GABRB1: variants seen among roughly 807,000 people sequenced by gnomAD.
The protein encoded by GABRB1 is gamma-aminobutyric acid receptor subunit beta-1.
In GABRB1, 17 loss-of-function variants were observed where a neutral mutation model predicts 51.6. The observed-to-expected ratio is 0.33, with a 90% confidence interval of 0.23 to 0.49. GABRB1 has a LOEUF of 0.49. Among genes scored for constraint, GABRB1 ranks in the 20% least tolerant of loss-of-function variants. The pLI is 0.99. For missense variants in GABRB1, 410 were observed against 600.6 expected, an observed-to-expected ratio of 0.68 and a Z score of 3.32; for synonymous variants, 247 against 218.9, an observed-to-expected ratio of 1.13 and a Z score of -1.14.
chr4:47,071,661 TC>T (rs1333129186), intron 3 of GABRB1, among the ~76,000 whole-genome samples: 4 of 151,010 alleles, frequency 2.6e-5, no homozygotes, highest in African/African-American at 9.7e-5. Flanking sequence ...TTTTTTTTTT[TC>T]CGTCTCTCCT....
intron 3 of GABRB1, among the ~76,000 whole-genome samples, chr4:47,159,568 A>G (rs1000951880): frequency 1.3e-5 from 2 of 151,894 alleles, no homozygotes; most frequent in Non-Finnish European, 2.9e-5. Context: ...TAGAAAGGAT[A>G]TTGTGTGACT....
intron 4 of GABRB1, among the ~76,000 whole-genome samples, chr4:47,170,271 G>A (rs913726162): frequency 5.4e-5 from 2 of 36,898 alleles, no homozygotes; most frequent in Non-Finnish European, 1.1e-4. Flanking sequence ...GAATGTAAAA[G>A]AAAGACGAGT....
intron 1 of GABRB1, among the ~76,000 whole-genome samples, chr4:47,019,576 T>TCTCTCTCTCTCTCC (rs1186431950): frequency 2.7e-5 from 4 of 147,464 alleles, no homozygotes; most frequent in African/African-American, 1.0e-4. Context: ...TCTCTCTCTC[T>TCTCTCTCTCTCTCC]CCCTCCTTCC....
chr4:47,200,171 C>T (rs530099558), intron 4 of GABRB1, among the ~76,000 whole-genome samples: 6 of 152,106 alleles, frequency 3.9e-5, no homozygotes, highest in Non-Finnish European at 7.4e-5. Flanking sequence ...TAGGACCAAT[C>T]GATTGTTGGT....
intron 8 of GABRB1, among the ~76,000 whole-genome samples, chr4:47,413,639 T>C (rs1728828096): frequency 6.6e-6 from 1 of 152,232 alleles, no homozygotes; most frequent in East Asian, 1.9e-4. Context: ...CAATTTTCAT[T>C]TGAGGGATTT....
At chr4:47,126,323 G>T (rs1046103641) in intron 3 of GABRB1, among the ~76,000 whole-genome samples, 28 of 152,210 alleles carry the variant, frequency 1.8e-4, no homozygotes, top group African/African-American at 6.5e-4. Flanking sequence ...AAAGATAAAT[G>T]CGTTCTAAAG....
At chr4:47,356,060 T>A (rs929343089) in intron 5 of GABRB1, among the ~76,000 whole-genome samples, 69 of 152,216 alleles carry the variant, frequency 4.5e-4, no homozygotes, top group African/African-American at 1.6e-3. Flanking sequence ...AGCACACTGC[T>A]TGACACCTAG....
chr4:47,295,378 A>T (rs1723933924), intron 4 of GABRB1, among the ~76,000 whole-genome samples: 1 of 152,124 alleles, frequency 6.6e-6, no homozygotes, highest in African/African-American at 2.4e-5. Flanking sequence ...TAGACGAATG[A>T]ATAACTAGAA....
At chr4:47,124,901 T>C (rs939985579) in intron 3 of GABRB1, among the ~76,000 whole-genome samples, 1 of 152,040 alleles carries the variant, frequency 6.6e-6, no homozygotes, top group African/African-American at 2.4e-5. Flanking sequence ...ATGAGATTTC[T>C]AGAGGAAAAT....
At chr4:47,185,979 C>T (rs1022367974) in intron 4 of GABRB1, among the ~76,000 whole-genome samples, 1 of 151,704 alleles carries the variant, frequency 6.6e-6, no homozygotes, top group Admixed American at 6.6e-5. Context: ...CGTGGCTATG[C>T]TATACTTAAC....
chr4:47,060,423 G>A (rs761781617), intron 3 of GABRB1, among the ~76,000 whole-genome samples: 1 of 151,968 alleles, frequency 6.6e-6, no homozygotes. Flanking sequence ...CCCCATAACC[G>A]CAGAATAAAA....
intron 3 of GABRB1, among the ~76,000 whole-genome samples, chr4:47,066,582 T>G (rs1051835754): frequency 1.3e-5 from 2 of 152,220 alleles, no homozygotes; most frequent in Non-Finnish European, 2.9e-5. Context: ...TGGCATAAAT[T>G]CCATCTAAAA....
At chr4:47,027,502 A>G (rs1725138096), upstream of GABRB1, among the ~76,000 whole-genome samples, 1 of 151,830 alleles carries the variant, frequency 6.6e-6, no homozygotes, top group African/African-American at 2.4e-5. Flanking sequence ...TCATATAGCT[A>G]AAGTATATTA....
chr4:47,369,254 G>T (rs1044057284), intron 5 of GABRB1, among the ~76,000 whole-genome samples: 3 of 152,152 alleles, frequency 2.0e-5, no homozygotes, highest in African/African-American at 7.2e-5. Flanking sequence ...CTGGGGATGA[G>T]GTTTTTAATC....
chr4:47,295,862 G>T (rs1369634302), intron 4 of GABRB1, among the ~76,000 whole-genome samples: 2 of 152,152 alleles, frequency 1.3e-5, no homozygotes, highest in African/African-American at 4.8e-5. Context: ...CAGAGAGAAA[G>T]GTCGGGTTAA....
At chr4:47,411,413 T>C (rs1194955496) in intron 8 of GABRB1, among the ~76,000 whole-genome samples, 1 of 152,200 alleles carries the variant, frequency 6.6e-6, no homozygotes, top group Non-Finnish European at 1.5e-5. Context: ...TATAATACTG[T>C]ATTATTCCAT....
intron 5 of GABRB1, among the ~76,000 whole-genome samples, chr4:47,372,850 G>A (rs1478355878): frequency 6.6e-6 from 1 of 152,112 alleles, no homozygotes; most frequent in Non-Finnish European, 1.5e-5. Context: ...ACAGTTCCCT[G>A]ATGTGAAGAC....
intron 3 of GABRB1, among the ~76,000 whole-genome samples, chr4:47,058,316 T>C (rs750164520): frequency 6.6e-6 from 1 of 152,156 alleles, no homozygotes; most frequent in Non-Finnish European, 1.5e-5. Flanking sequence ...TGGGAAAAAG[T>C]CTATATGGTT....
chr4:47,162,502 A>G (rs1035897079), intron 4 of GABRB1, among the ~76,000 whole-genome samples: 1 of 152,074 alleles, frequency 6.6e-6, no homozygotes, highest in African/African-American at 2.4e-5. Context: ...TTGTCAGATT[A>G]CAGAGTCTCA....
Sources: allele counts gnomAD v4.1 joint callset (sites outside exome capture counted in the v4.1 genomes callset), GRCh38; gene constraint gnomAD v4.1.1; transcripts MANE v1.5; gene names NCBI Gene and HGNC (gene_info 2026-07-23, HGNC 2026-07-21).